FURIN: variants seen among roughly 807,000 people sequenced by gnomAD.
FURIN encodes the protein furin, paired basic amino acid cleaving enzyme.
In FURIN, 18 loss-of-function variants were observed where a neutral mutation model predicts 89.2. The observed-to-expected ratio is 0.20, with a 90% CI of 0.14 to 0.30. The LOEUF (loss-of-function observed/expected upper bound fraction) is 0.30. Ranked by LOEUF, FURIN falls within the 10% of genes least tolerant of loss-of-function variation. The pLI, the probability that FURIN is intolerant of heterozygous loss-of-function variation, is 1.00. For synonymous variants in FURIN, 508 were observed against 466.4 expected (o/e 1.09, Z -1.15); for missense variants, 879 against 1,100.5 (o/e 0.80, Z 2.85).
intron 1 of FURIN, among the ~76,000 whole-genome samples, chr15:90,872,083 G>A (rs982315602): frequency 6.6e-6 from 1 of 151,402 alleles, no homozygotes; most frequent in African/African-American, 2.4e-5. Context: ...CTCCGCGGCC[G>A]AGGAGGGCCT....
chr15:90,878,408 A>G, intron 8 of FURIN, 104 bp downstream of exon 8: 1 of 967,190 alleles, frequency 1.0e-6, no homozygotes, highest in South Asian at 1.7e-5. Flanking sequence ...GTTTAACTTT[A>G]CACAAAGCAT....
chr15:90,877,381 G>A, intron 6 of FURIN, 146 bp from the exon 7 acceptor site: 1 of 868,396 alleles, frequency 1.2e-6, no homozygotes, highest in Non-Finnish European at 1.8e-6. Flanking sequence ...ATGGCCACAG[G>A]CCCAGTGGAG....
At position 90,875,695 on chromosome 15, in the gene FURIN, G is replaced by A. The variant is rs776063758; in HGVS notation, c.-46G>A. 8.1e-6 allele frequency: 12 copies of A among 1,483,922 alleles called. No homozygotes were observed. The African/African-American group carries it at 1.3e-4, about 16-fold the overall frequency. The allele number at this position is 1,483,922 out of a possible 1,614,324, so 91.9% of individuals were successfully genotyped here. On this transcript the variant is annotated 5_prime_UTR_variant, in exon 2 of 16. Transcript: ENST00000268171. ...CCTGGGAGCCGAGGCCCTGTGACCA[G>A]GCCAAGGAGACGGGCGCTCCAGGGT...
In FURIN at chr15:90,876,189, C is replaced by T. The variant is rs2031609932; in HGVS notation, c.178-66C>T. Reference sequence around the variant, plus strand: ...GCCTCCCATGAAGCCGTTGTCCACCCCCGTCCCCCGCCTCCCGGGGACTGA... The same window carrying T: ...GCCTCCCATGAAGCCGTTGTCCACCTCCGTCCCCCGCCTCCCGGGGACTGA... On this transcript the variant is annotated intron_variant, in intron 2 of 15. Coordinates refer to ENST00000268171, the MANE Select transcript of FURIN (RefSeq NM_002569.4). The surrounding 1 kb of genome is among the most constrained non-coding windows in gnomAD (Gnocchi z 5.0). 9.2e-7 allele frequency: 1 copy of T among 1,087,824 alleles called. No homozygotes were observed. Among genetic ancestry groups the T allele is most frequent in the Non-Finnish European group, 1.4e-6 (1 of 731,986 alleles). 67.4% of individuals were successfully genotyped at this position (1,087,824 alleles called of 1,614,324 possible). A position where few individuals can be genotyped will look rare whatever the true frequency, so the allele number is the denominator to read the frequency against.
In FURIN at chr15:90,880,810, A is replaced by G. The variant is rs755097329; in HGVS notation, c.1676A>G (p.Asn559Ser). 8 of 1,613,092 alleles carry G rather than the reference A, an allele frequency of 5.0e-6. No homozygotes were observed. Among genetic ancestry groups the G allele is most frequent in the Admixed American group, 3.3e-5 (2 of 59,910 alleles). ...ATTGAAAACACCAGCGAAGCCAACA[A>G]CTATGGTACTGGGGGCACTTGAGGG... Reference protein sequence around the residue: ...LEIENTSEANNYGTLTKFTLV... With the variant: ...LEIENTSEANSYGTLTKFTLV... The change falls in exon 14 of 16, where the codon AAC becomes AGC. Residue 559 changes from asparagine (N) to serine (S), a missense_variant. By Grantham distance (46) the Asn-to-Ser change is conservative. This residue lies in a region of FURIN where 457 missense variants were observed against 490.7 expected (regional missense o/e 0.93). Transcript: ENST00000268171.
In FURIN at chr15:90,881,839, C is replaced by T. The variant is rs571395407; in HGVS notation, c.2346C>T (p.Gly782=). The change falls in exon 16 of 16, where the codon GGC becomes GGT. Residue 782 remains glycine, a synonymous_variant. Transcript: ENST00000268171. The surrounding 1 kb of genome is among the most constrained non-coding windows in gnomAD (Gnocchi z 4.3). The part of the protein sequence containing the change: ...PSDSEEDEGR[G]ERTAFIKDQS... ...ACTCAGAAGAGGACGAGGGCCGGGG[C>T]GAGAGGACCGCCTTTATCAAAGACC... 1.9e-5 allele frequency: 30 copies of T among 1,613,026 alleles called. No individual in the cohort carries two copies. The highest frequency in any genetic ancestry group is 1.0e-4 in the Admixed American group (6 of 60,002).
chr15:90,880,329 G>A (rs1257096255), intron 13 of FURIN, 56 bp downstream of exon 13: 17 of 1,427,148 alleles, frequency 1.2e-5, no homozygotes, highest in East Asian at 2.3e-5. Context: ...CACAGCCCGC[G>A]TGCTTGCCTT....
Position 90,878,802 on chromosome 15 carries a change from G to A in FURIN, c.879G>A (p.Ser293=), listed in dbSNP as rs745482914. The part of the protein sequence containing the change: ...GGLGSIFVWA[S]GNGGREHDSC... ...TGGGCTCCATCTTTGTCTGGGCCTC[G>A]GGGAACGGGGGCCGGGAACATGACA... is the stretch of plus-strand genomic sequence containing the variant. The change falls in exon 9 of 16, where the codon TCG becomes TCA. Residue 293 remains serine (S), a synonymous_variant. Coordinates refer to ENST00000268171, the MANE Select transcript of FURIN (RefSeq NM_002569.4). The A allele has an allele frequency of 8.1e-6, 13 of 1,611,654 alleles. No individual in the cohort carries two copies. Among genetic ancestry groups the A allele is most frequent in the South Asian group, 7.7e-5 (7 of 91,042 alleles).
At chr15:90,877,422 A>T (rs888192548) in intron 6 of FURIN, 105 bp from the exon 7 acceptor site, 3 of 973,848 alleles carry the variant, frequency 3.1e-6, no homozygotes, top group Non-Finnish European at 3.1e-6. Context: ...TACTCAGGGG[A>T]TGATGGGTGT....
chr15:90,872,909 T>C (rs2031396850), intron 1 of FURIN: 1 of 152,230 alleles, frequency 6.6e-6, no homozygotes, highest in South Asian at 2.1e-4. Flanking sequence ...TGAGGCGCAA[T>C]TTGAGTGGCC....
chr15:90,876,390 C>G lies in FURIN; in HGVS notation c.276+37C>G. The G allele has an allele frequency of 6.6e-7, 1 of 1,511,466 alleles. No homozygotes were observed. The highest frequency in any genetic ancestry group is 9.2e-7 in the Non-Finnish European group (1 of 1,086,642). 93.6% of individuals were successfully genotyped at this position (1,511,466 alleles called of 1,614,324 possible). On this transcript the variant is annotated intron_variant, in intron 3 of 15. Transcript: ENST00000268171. This position sits in a 1 kb window ranked among gnomAD's most constrained non-coding sequence, Gnocchi z 5.0. ...CCCAGCCCCCTCCTGCTGCCACCCTCCCCCTCCTGCTCTCAGGAGCCCCTC... is the reference window on the plus strand; with the variant it reads ...CCCAGCCCCCTCCTGCTGCCACCCTGCCCCTCCTGCTCTCAGGAGCCCCTC...
intron 14 of FURIN, 43 bp downstream of exon 14, chr15:90,880,858 T>C: frequency 6.2e-7 from 1 of 1,611,134 alleles, no homozygotes; most frequent in Non-Finnish European, 8.5e-7. Context: ...GGTGGAGGGC[T>C]GGCAGGATCT....
Position 90,876,750 on chromosome 15 carries a change from A to C in FURIN, c.373-146A>C. On this transcript the variant is annotated intron_variant, in intron 4 of 15. Transcript: ENST00000268171. The surrounding 1 kb of genome is among the most constrained non-coding windows in gnomAD (Gnocchi z 5.0). ...CCCTCCCAGAGTCCTCTACATTCCCATGGAGTCCAGACAGCCAGTGGCGGC... is the reference window on the plus strand; with the variant it reads ...CCCTCCCAGAGTCCTCTACATTCCCCTGGAGTCCAGACAGCCAGTGGCGGC... 1.1e-6 allele frequency: 1 copy of C among 938,122 alleles called. No individual in the cohort carries two copies. Among genetic ancestry groups the C allele is most frequent in the Non-Finnish European group, 1.6e-6 (1 of 607,018 alleles). The allele number at this position is 938,122 out of a possible 1,614,324, so 58.1% of individuals were successfully genotyped here. A position where few individuals can be genotyped will look rare whatever the true frequency, so the allele number is the denominator to read the frequency against.
At position 90,882,033 on chromosome 15, in the gene FURIN, A is replaced by T; in HGVS notation, c.*155A>T. On this transcript the variant is annotated 3_prime_UTR_variant, in exon 16 of 16. Transcript: ENST00000268171. Reference sequence around the variant, plus strand: ...ATCCTACCCTCGGGCCCACCTGGCCACCTGAGGTGGGCCCAGGACCAGCTG... The same window carrying T: ...ATCCTACCCTCGGGCCCACCTGGCCTCCTGAGGTGGGCCCAGGACCAGCTG... 1 of 623,694 alleles carries T rather than the reference A, an allele frequency of 1.6e-6. No homozygotes were observed. Among genetic ancestry groups the T allele is most frequent in the Non-Finnish European group, 2.8e-6 (1 of 352,638 alleles). 38.6% of individuals were successfully genotyped at this position (623,694 alleles called of 1,614,324 possible).
Position 90,878,929 on chromosome 15 carries a change from A to G in FURIN, c.1006A>G (p.Thr336Ala), listed in dbSNP as rs2031785438. ...VPWYSEACSSTLATTYSSGNQ... is the reference protein window; with the variant it reads ...VPWYSEACSSALATTYSSGNQ... ...GTGGTACAGCGAGGCCTGCTCGTCC[A>G]CACTGGCCACGACCTACAGCAGTGG... The change falls in exon 9 of 16, where the codon ACA becomes GCA. Residue 336 changes from threonine to alanine, a missense_variant. By Grantham distance (58) the Thr-to-Ala change is moderately conservative (BLOSUM62 0). This residue lies in a region of FURIN where 156 missense variants were observed against 243.7 expected (regional missense o/e 0.64). Transcript: ENST00000268171. 2 of 1,611,730 alleles carry G rather than the reference A, an allele frequency of 1.2e-6. No homozygotes were observed.
At chr15:90,872,190 C>G (rs2151219245) in intron 1 of FURIN, among the ~76,000 whole-genome samples, 1 of 151,788 alleles carries the variant, frequency 6.6e-6, no homozygotes, top group East Asian at 2.0e-4. Flanking sequence ...GGCCAGGACT[C>G]GGGTGCGGGA....
chr15:90,875,726 C>A lies in FURIN; in HGVS notation c.-15C>A. ...GGAGACGGGCGCTCCAGGGTCCCAG[C>A]CACCTGTCCCCCCCATGGAGCTGAG... On this transcript the variant is annotated 5_prime_UTR_variant, in exon 2 of 16. Coordinates refer to ENST00000268171, the MANE Select transcript of FURIN (RefSeq NM_002569.4). The A allele has an allele frequency of 6.6e-7, 1 of 1,523,806 alleles. No homozygotes were observed. Among genetic ancestry groups the A allele is most frequent in the Middle Eastern group, 1.8e-4 (1 of 5,654 alleles). 94.4% of individuals were successfully genotyped at this position (1,523,806 alleles called of 1,614,324 possible). A position where few individuals can be genotyped will look rare whatever the true frequency, so the allele number is the denominator to read the frequency against.
rs142489043 is a variant in FURIN at position 90,880,799 on chromosome 15, C to T, written c.1665C>T (p.Ser555=). 7,692 of 1,613,450 alleles carry T rather than the reference C, an allele frequency of 4.8e-3. 34 individuals carry two copies. The highest frequency in any genetic ancestry group is 6.0e-3 in the Non-Finnish European group (7,063 of 1,179,664). Residue 555 remains serine (S), a synonymous_variant, in exon 14 of 16, where the codon AGC becomes AGT. Transcript: ENST00000268171. ...GEWVLEIENT[S]EANNYGTLTK... Reference sequence around the variant, plus strand: ...GGGTCCTAGAGATTGAAAACACCAGCGAAGCCAACAACTATGGTACTGGGG... The same window carrying T: ...GGGTCCTAGAGATTGAAAACACCAGTGAAGCCAACAACTATGGTACTGGGG...
intron 1 of FURIN, among the ~76,000 whole-genome samples, chr15:90,869,169 C>T (rs559837906): frequency 3.9e-5 from 6 of 152,302 alleles, no homozygotes; most frequent in African/African-American, 1.2e-4. Flanking sequence ...CTTTACAGCC[C>T]CCACTTACCC....
Sources: gnomAD v4.1 joint callset for allele counts (sites outside exome capture counted in the v4.1 genomes callset) on GRCh38, gnomAD v4.1.1 for gene constraint, gnomAD v4.1.1 regional missense constraint, Gnocchi (gnomAD v3.1) non-coding constraint, MANE v1.5 for transcripts, NCBI Gene and HGNC (gene_info 2026-07-23, HGNC 2026-07-21) for gene names.